Variants in PDE7B observed in about 807,000 individuals in gnomAD.
PDE7B encodes phosphodiesterase 7B, also known as 3',5'-cyclic-AMP phosphodiesterase 7B.
Under a neutral mutation model 56.2 loss-of-function variants are expected in PDE7B, and 29 were observed. The observed-to-expected ratio is 0.52, with a 90% CI of 0.38 to 0.70. PDE7B has a LOEUF of 0.70. Ranked by LOEUF, PDE7B falls within the 30% of genes least tolerant of loss-of-function variation. The probability of loss-of-function intolerance (pLI) is 0.00; values close to 1 mark genes in which losing one functional copy is unlikely to be tolerated. For synonymous variants in PDE7B, 197 were observed against 196.9 expected (o/e 1.00, Z 0.00); for missense variants, 490 against 565.0 (o/e 0.87, Z 1.35).
chr6:136,187,004 A>T, intron 11 of PDE7B, 32 bp from the exon 12 acceptor site: 2 of 1,058,052 alleles, frequency 1.9e-6, no homozygotes, highest in Non-Finnish European at 2.9e-6. Context: ...TAGATTACCA[A>T]TGTGTTTTTT....
intron 3 of PDE7B, among the ~76,000 whole-genome samples, chr6:136,135,557 G>T (rs1169323361): frequency 6.6e-6 from 1 of 151,760 alleles, no homozygotes; most frequent in African/African-American, 2.4e-5. Flanking sequence ...AATATATTTG[G>T]TTGTCATCAG....
At chr6:135,963,029 G>A (rs773930863) in intron 2 of PDE7B, among the ~76,000 whole-genome samples, 15 of 152,144 alleles carry the variant, frequency 9.9e-5, no homozygotes, top group Non-Finnish European at 2.1e-4. Context: ...AGTAGGGATG[G>A]GTGAGAGCTC....
chr6:136,103,883 A>C (rs1270645559), intron 2 of PDE7B, among the ~76,000 whole-genome samples: 1 of 152,230 alleles, frequency 6.6e-6, no homozygotes, highest in African/African-American at 2.4e-5. Context: ...GGTTCTTGTC[A>C]CATGGCCTGT....
intron 9 of PDE7B, among the ~76,000 whole-genome samples, chr6:136,176,132 T>C (rs1197088071): frequency 6.6e-6 from 1 of 152,074 alleles, no homozygotes; most frequent in Non-Finnish European, 1.5e-5. Flanking sequence ...CCTATTTTCC[T>C]ATCAGTGTTA....
chr6:135,941,978 A>G (rs1024654619), intron 1 of PDE7B, among the ~76,000 whole-genome samples: 2 of 152,232 alleles, frequency 1.3e-5, no homozygotes, highest in Non-Finnish European at 2.9e-5. Context: ...TGAAGCAGAA[A>G]AAACATTAAC....
intron 6 of PDE7B, among the ~76,000 whole-genome samples, 197 bp downstream of exon 6, chr6:136,151,452 A>G (rs1231633277): frequency 6.6e-6 from 1 of 152,126 alleles, no homozygotes; most frequent in Non-Finnish European, 1.5e-5. Context: ...ATTACAGTTG[A>G]TCCCAAACAA....
intron 3 of PDE7B, among the ~76,000 whole-genome samples, chr6:136,110,057 G>T (rs879689369): frequency 5.3e-5 from 8 of 152,100 alleles, no homozygotes; most frequent in Non-Finnish European, 1.0e-4. Flanking sequence ...CCAATAGTAG[G>T]TGGCATGTTT....
intron 1 of PDE7B, among the ~76,000 whole-genome samples, chr6:135,945,575 C>G (rs1434704988): frequency 6.6e-6 from 1 of 152,088 alleles, no homozygotes. Flanking sequence ...CTCTTTGTAC[C>G]AGAGGATGTC....
At chr6:136,134,972 A>G (rs1465543750) in intron 3 of PDE7B, among the ~76,000 whole-genome samples, 1 of 151,932 alleles carries the variant, frequency 6.6e-6, no homozygotes, top group South Asian at 2.1e-4. Context: ...AAAAAAAAAT[A>G]AGCATGTTAA....
intron 7 of PDE7B, 26 bp from the exon 8 acceptor site, chr6:136,155,601 A>C (rs1292451772): frequency 4.4e-6 from 7 of 1,587,026 alleles, no homozygotes; most frequent in Non-Finnish European, 6.0e-6. Context: ...TACACCAATC[A>C]ATCTCCCAAT....
intron 2 of PDE7B, among the ~76,000 whole-genome samples, chr6:135,964,033 T>A (rs1241861646): frequency 6.6e-6 from 1 of 152,148 alleles, no homozygotes; most frequent in Non-Finnish European, 1.5e-5. Flanking sequence ...TAGTTCATTG[T>A]TCTCTCATTG....
chr6:136,172,250 A>C (rs1219186475), intron 8 of PDE7B, among the ~76,000 whole-genome samples: 1 of 152,174 alleles, frequency 6.6e-6, no homozygotes, highest in Non-Finnish European at 1.5e-5. Flanking sequence ...TTACAGTCCC[A>C]CCAACAGTGT....
chr6:136,081,062 C>T (rs1287312480), intron 2 of PDE7B, among the ~76,000 whole-genome samples: 2 of 152,116 alleles, frequency 1.3e-5, no homozygotes, highest in East Asian at 3.8e-4. Context: ...AGCATAGTGG[C>T]AAGAAATAAG....
chr6:136,172,423 G>A (rs1222370208), intron 8 of PDE7B, among the ~76,000 whole-genome samples: 1 of 152,188 alleles, frequency 6.6e-6, no homozygotes, highest in Non-Finnish European at 1.5e-5. Flanking sequence ...TTTTTTGGCT[G>A]CATAAATGTC....
At chr6:135,940,873 TATTC>T (rs1774496388) in intron 1 of PDE7B, among the ~76,000 whole-genome samples, 1 of 152,214 alleles carries the variant, frequency 6.6e-6, no homozygotes, top group Admixed American at 6.5e-5. Context: ...GGTAAGGAAT[TATTC>T]ATTCATTCAT....
chr6:135,878,995 T>C (rs1043455513), intron 1 of PDE7B, among the ~76,000 whole-genome samples: 1 of 152,138 alleles, frequency 6.6e-6, no homozygotes, highest in African/African-American at 2.4e-5. Flanking sequence ...TTATATTTCA[T>C]TTTTTGAATT....
At chr6:136,075,549 G>A (rs549685575) in intron 2 of PDE7B, among the ~76,000 whole-genome samples, 1 of 152,332 alleles carries the variant, frequency 6.6e-6, no homozygotes, top group South Asian at 2.1e-4. Flanking sequence ...GGGGGTTTGT[G>A]TGCTCTAATT....
chr6:136,146,925 C>T (rs1349687262), intron 3 of PDE7B, among the ~76,000 whole-genome samples: 2 of 152,098 alleles, frequency 1.3e-5, no homozygotes, highest in Non-Finnish European at 2.9e-5. Context: ...ATAATCCCAG[C>T]ACTTTGGGAG....
chr6:135,962,163 A>T (rs1774913856), intron 2 of PDE7B, among the ~76,000 whole-genome samples: 1 of 152,228 alleles, frequency 6.6e-6, no homozygotes, highest in Non-Finnish European at 1.5e-5. Flanking sequence ...TAAAAGACTT[A>T]AAAAATAATA....
Sources: gnomAD v4.1 joint callset for allele counts (sites outside exome capture counted in the v4.1 genomes callset) on GRCh38, gnomAD v4.1.1 for gene constraint, MANE v1.5 for transcripts, NCBI Gene and HGNC (gene_info 2026-07-23, HGNC 2026-07-21) for gene names.